NUP160: variants seen among roughly 807,000 people sequenced by gnomAD.
The protein encoded by NUP160 is nuclear pore complex protein Nup160.
A neutral mutation model predicts 196.9 loss-of-function variants in NUP160; 94 were observed. The ratio of observed to expected loss-of-function variants is 0.48; its 90% CI spans 0.40 to 0.57. NUP160 has a LOEUF of 0.57. Ranked by LOEUF, NUP160 falls within the 20% of genes least tolerant of loss-of-function variation. The pLI is 0.00. For synonymous variants in NUP160, 605 were observed against 619.7 expected (o/e 0.98, Z 0.35); for missense variants, 1,638 against 1,748.3 (o/e 0.94, Z 1.13).
intron 7 of NUP160, among the ~76,000 whole-genome samples, chr11:47,825,625 C>T (rs1423229805): frequency 6.6e-6 from 1 of 151,856 alleles, no homozygotes; most frequent in East Asian, 1.9e-4. Flanking sequence ...AGCTAGTTTT[C>T]GTATTTTAGT....
intron 7 of NUP160, chr11:47,827,334 A>G: frequency 3.1e-6 from 1 of 325,514 alleles, no homozygotes; most frequent in Non-Finnish European, 6.1e-6. Context: ...ACTGCACTCC[A>G]ACTTGGGTGA....
intron 4 of NUP160, among the ~76,000 whole-genome samples, chr11:47,838,055 T>TGGTA (rs1418512258): frequency 6.6e-6 from 1 of 152,076 alleles, no homozygotes; most frequent in African/African-American, 2.4e-5. Flanking sequence ...TTAAGTAGAA[T>TGGTA]GGTAGTAAGT....
intron 7 of NUP160, among the ~76,000 whole-genome samples, chr11:47,830,640 A>G (rs1852054839): frequency 6.6e-6 from 1 of 152,192 alleles, no homozygotes; most frequent in South Asian, 2.1e-4. Flanking sequence ...CTCACTTATA[A>G]ATGGGAGCTA....
At chr11:47,831,425 A>G (rs1852070675) in intron 7 of NUP160, among the ~76,000 whole-genome samples, 1 of 152,226 alleles carries the variant, frequency 6.6e-6, no homozygotes, top group African/African-American at 2.4e-5. Context: ...AATGTCCAAC[A>G]CAAATGAAAA....
At position 47,793,722 on chromosome 11, in the gene NUP160, GTTTTTTTTTTTTTTTTTTT is replaced by G. The variant is rs750497969; in HGVS notation, c.3290-795_3290-777del. On this transcript the variant is annotated intron_variant, in intron 27 of 35. Coordinates refer to ENST00000378460, the Ensembl canonical transcript of NUP160. ...TCATTTAATTATCTGTAAGATATCT[GTTTTTTTTTTTTTTTTTTT>G]TTTTTTTTTTTTTTTTGAGACGGAG... Among the ~76,000 whole-genome samples, 69 of 87,692 alleles carry G rather than the reference GTTTTTTTTTTTTTTTTTTT, an allele frequency of 7.9e-4. 1 individual carries two copies. The South Asian group carries it at 9.1e-3, about 12-fold the overall frequency. The allele number at this position is 87,692 out of a possible 152,430, so 57.5% of individuals were successfully genotyped here. A position where few individuals can be genotyped will look rare whatever the true frequency, so the allele number is the denominator to read the frequency against.
intron 34 of NUP160, among the ~76,000 whole-genome samples, chr11:47,782,327 T>G (rs1278408018): frequency 6.0e-5 from 2 of 33,468 alleles, no homozygotes; most frequent in African/African-American, 8.1e-5. Flanking sequence ...TATATATATA[T>G]ATATATATAT....
rs189873806 is a variant in NUP160 at position 47,806,717 on chromosome 11, T to C, written c.2446+353A>G. Among the ~76,000 whole-genome samples, 6 of 151,466 alleles carry C rather than the reference T, an allele frequency of 4.0e-5. No individual in the cohort carries two copies. The East Asian group carries it at 1.2e-3, about 29-fold the overall frequency. ...ATCTGTTGACTAAGATTACAAAAGT[T>C]ACCATGAACGAATAAATTTTTAAAT... On this transcript the variant is annotated intron_variant, in intron 19 of 35. Coordinates refer to ENST00000378460, the Ensembl canonical transcript of NUP160.
At chr11:47,827,612 G>C (rs911975020) in intron 7 of NUP160, among the ~76,000 whole-genome samples, 2 of 151,962 alleles carry the variant, frequency 1.3e-5, no homozygotes, top group Non-Finnish European at 2.9e-5. Context: ...TACTCAGAAG[G>C]CTGAGGTGGG....
chr11:47,781,492 G>A (rs923844571), intron 34 of NUP160, among the ~76,000 whole-genome samples: 2 of 151,870 alleles, frequency 1.3e-5, no homozygotes, highest in Admixed American at 1.3e-4. Context: ...CTTAACCTCT[G>A]GGTTTAAACG....
intron 17 of NUP160, among the ~76,000 whole-genome samples, chr11:47,810,700 C>G (rs891632458): frequency 6.6e-6 from 1 of 151,880 alleles, no homozygotes; most frequent in Non-Finnish European, 1.5e-5. Flanking sequence ...GAGTGTGCCA[C>G]CAGACCCCGC....
intron 10 of NUP160, among the ~76,000 whole-genome samples, chr11:47,818,555 A>G (rs1238836055): frequency 7.5e-6 from 1 of 134,200 alleles, no homozygotes; most frequent in Non-Finnish European, 1.7e-5. Context: ...AAAACAAAAC[A>G]AAACAAAACA....
At chr11:47,778,963 C>CT in exon 36 of NUP160, 1 of 649,504 alleles carries the variant, frequency 1.5e-6, no homozygotes, top group Non-Finnish European at 2.8e-6. Flanking sequence ...TTCCGCCCTC[C>CT]TATCTTGTGC....
rs564629404 is a variant in NUP160, at chr11:47,816,891, C to T, written c.1432-862G>A. Among the ~76,000 whole-genome samples, 112 of 151,976 alleles carry T rather than the reference C, an allele frequency of 7.4e-4. 1 individual carries two copies. The highest frequency in any genetic ancestry group is 1.5e-3 in the Non-Finnish European group (102 of 67,996). On this transcript the variant is annotated intron_variant, in intron 11 of 35. Transcript: ENST00000378460. ...AACTCCTGAGCTCAAGCAATCCACC[C>T]CCTTGGCCTCCCAAAGTGCTGAGAT...
At chr11:47,805,451 T>TA (rs920161282) in intron 20 of NUP160, among the ~76,000 whole-genome samples, 3 of 149,576 alleles carry the variant, frequency 2.0e-5, no homozygotes, top group Non-Finnish European at 4.5e-5. Context: ...TAATGTCTTT[T>TA]TTTTTTTTTT....
intron 6 of NUP160, 51 bp from the exon 7 acceptor site, chr11:47,835,860 A>G: frequency 7.2e-7 from 1 of 1,385,260 alleles, no homozygotes. Context: ...TTCAGGCTAG[A>G]AGAACATACC....
At chr11:47,810,608 G>A (rs532266424) in intron 17 of NUP160, among the ~76,000 whole-genome samples, 66 of 150,566 alleles carry the variant, frequency 4.4e-4, no homozygotes, top group Admixed American at 8.0e-4. Flanking sequence ...GTGCAGTGGT[G>A]CAATCTTGCC....
exon 22 of NUP160, chr11:47,803,491 A>C: frequency 6.2e-7 from 1 of 1,612,844 alleles, no homozygotes; most frequent in Non-Finnish European, 8.5e-7. Context: ...AATCGACAGG[A>C]ACCAACATTG....
At chr11:47,786,336 C>T in intron 32 of NUP160, 117 bp downstream of exon 32, 1 of 579,280 alleles carries the variant, frequency 1.7e-6, no homozygotes, top group Non-Finnish European at 3.1e-6. Flanking sequence ...CCTATAAAAA[C>T]TTAGCCAAAA....
chr11:47,827,566 G>A (rs1323213799), intron 7 of NUP160, among the ~76,000 whole-genome samples: 1 of 151,740 alleles, frequency 6.6e-6, no homozygotes, highest in Non-Finnish European at 1.5e-5. Flanking sequence ...AAAATTAGCT[G>A]GGCATGGTGG....
Sources: gnomAD v4.1 joint callset for allele counts (sites outside exome capture counted in the v4.1 genomes callset) on GRCh38, gnomAD v4.1.1 for gene constraint, MANE v1.5 for transcripts, NCBI Gene and HGNC (gene_info 2026-07-23, HGNC 2026-07-21) for gene names.